Variants in CNTNAP2 observed in about 807,000 individuals in gnomAD.
CNTNAP2 encodes contactin associated protein 2.
In CNTNAP2, 98 loss-of-function variants were observed where a neutral mutation model predicts 155.2. That is an observed-to-expected ratio of 0.63 (90% CI 0.54 to 0.75). CNTNAP2 has a LOEUF of 0.75. CNTNAP2 is among the 30% of genes least tolerant of loss of function. The pLI, the probability that CNTNAP2 is intolerant of heterozygous loss-of-function variation, is 0.00. For synonymous variants in CNTNAP2, 651 were observed against 631.2 expected (o/e 1.03, Z -0.47); for missense variants, 1,727 against 1,688.1 (o/e 1.02, Z -0.40).
chr7:147,572,016 G>A (rs963031720), intron 12 of CNTNAP2, among the ~76,000 whole-genome samples: 2 of 152,112 alleles, frequency 1.3e-5, no homozygotes, highest in African/African-American at 4.8e-5. Flanking sequence ...CCTGCTTCAC[G>A]CATTCAGCTA....
intron 14 of CNTNAP2, among the ~76,000 whole-genome samples, chr7:147,973,656 C>A (rs927167192): frequency 1.3e-4 from 20 of 152,244 alleles, no homozygotes; most frequent in Non-Finnish European, 2.5e-4. Flanking sequence ...TAGCTAAAGA[C>A]ATCTTTAAAA....
intron 1 of CNTNAP2, among the ~76,000 whole-genome samples, chr7:146,153,847 G>A (rs1297081655): frequency 6.6e-6 from 1 of 151,176 alleles, no homozygotes; most frequent in Non-Finnish European, 1.5e-5. Flanking sequence ...ATGTTTTTAG[G>A]TATTCATAAA....
intron 14 of CNTNAP2, among the ~76,000 whole-genome samples, chr7:147,958,769 A>G (rs907729519): frequency 6.6e-6 from 1 of 152,196 alleles, no homozygotes; most frequent in South Asian, 2.1e-4. Context: ...TTCTAATAAG[A>G]CAGACACTGA....
intron 9 of CNTNAP2, among the ~76,000 whole-genome samples, chr7:147,346,159 T>A (rs1174864227): frequency 3.9e-5 from 5 of 126,714 alleles, no homozygotes; most frequent in African/African-American, 1.5e-4. Context: ...TTTTATTTTT[T>A]TTTTTTGAGA....
intron 13 of CNTNAP2, among the ~76,000 whole-genome samples, chr7:147,758,330 C>G (rs183882565): frequency 1.2e-3 from 178 of 152,294 alleles, no homozygotes; most frequent in Non-Finnish European, 2.1e-3. Context: ...ATGTCACACT[C>G]TCTTTTCTTT....
chr7:147,437,807 G>T (rs956862134), intron 10 of CNTNAP2, among the ~76,000 whole-genome samples: 47 of 152,046 alleles, frequency 3.1e-4, no homozygotes, highest in African/African-American at 1.0e-3. Flanking sequence ...TAACAATATT[G>T]ATTCTTCCAA....
At chr7:147,734,804 A>G (rs768568740) in intron 13 of CNTNAP2, among the ~76,000 whole-genome samples, 4 of 152,188 alleles carry the variant, frequency 2.6e-5, no homozygotes, top group Non-Finnish European at 5.9e-5. Context: ...TTGTTTGCAT[A>G]GAGGTGTTTA....
intron 13 of CNTNAP2, among the ~76,000 whole-genome samples, chr7:147,727,667 C>T (rs191232787): frequency 2.6e-5 from 4 of 151,226 alleles, no homozygotes; most frequent in African/African-American, 7.3e-5. Flanking sequence ...CAGCTCGTAG[C>T]ATTTTAGTAA....
Position 146,805,534 on chromosome 7 carries a change from T to C in CNTNAP2, c.208+31153T>C, listed in dbSNP as rs139568415. ...ATTCTCAAGAAGAAGTAATTGTTTA[T>C]TATAGAGAAGTAAAGTAGCAGAATG... On this transcript the variant is annotated intron_variant, in intron 2 of 23. Coordinates refer to ENST00000361727, the MANE Select transcript of CNTNAP2 (RefSeq NM_014141.6). Among the ~76,000 whole-genome samples the C allele has an allele frequency of 5.6e-3, 857 of 152,236 alleles. 6 individuals are homozygous for C. Among genetic ancestry groups the C allele is most frequent in the African/African-American group, 0.017 (691 of 41,544 alleles).
At chr7:146,451,799 A>C (rs941504490) in intron 1 of CNTNAP2, among the ~76,000 whole-genome samples, 2 of 117,832 alleles carry the variant, frequency 1.7e-5, no homozygotes, top group African/African-American at 5.3e-5. Flanking sequence ...AGAAGAAATA[A>C]GGTCTCTTCT....
chr7:147,330,560 G>T (rs577503637), intron 9 of CNTNAP2, among the ~76,000 whole-genome samples: 22 of 152,274 alleles, frequency 1.4e-4, no homozygotes, highest in African/African-American at 5.3e-4. Flanking sequence ...CACCTGAAGG[G>T]TTTTCACTAA....
chr7:147,720,809 C>G (rs1796556111), intron 13 of CNTNAP2, among the ~76,000 whole-genome samples: 1 of 152,000 alleles, frequency 6.6e-6, no homozygotes, highest in South Asian at 2.1e-4. Flanking sequence ...AACCTCTTTC[C>G]TTTATAAATT....
intron 1 of CNTNAP2, among the ~76,000 whole-genome samples, chr7:146,504,156 A>T (rs1183974147): frequency 6.6e-6 from 1 of 152,154 alleles, no homozygotes; most frequent in Non-Finnish European, 1.5e-5. Flanking sequence ...CTTACGCTCC[A>T]CCCTCTAGGC....
intron 1 of CNTNAP2, among the ~76,000 whole-genome samples, chr7:146,368,719 A>G (rs553406363): frequency 6.4e-4 from 98 of 152,138 alleles, no homozygotes; most frequent in Middle Eastern, 3.4e-3. Context: ...GTCATTTCCT[A>G]TCCCCAGTTT....
intron 14 of CNTNAP2, among the ~76,000 whole-genome samples, chr7:147,952,661 G>A (rs1800956043): frequency 6.6e-6 from 1 of 152,070 alleles, no homozygotes; most frequent in African/African-American, 2.4e-5. Flanking sequence ...CTCACAGTAA[G>A]AAAGTCATCT....
At chr7:147,781,085 CTT>C (rs1323829754) in intron 13 of CNTNAP2, among the ~76,000 whole-genome samples, 16 of 152,238 alleles carry the variant, frequency 1.1e-4, no homozygotes, top group African/African-American at 3.9e-4. Context: ...CTATTGGTAA[CTT>C]ATTAGTTGCC....
chr7:148,254,442 CATA>C (rs1435186818), intron 20 of CNTNAP2, among the ~76,000 whole-genome samples: 2 of 152,148 alleles, frequency 1.3e-5, no homozygotes, highest in African/African-American at 4.8e-5. Context: ...CATCGTTTCT[CATA>C]ATAATTCTCA....
chr7:146,826,405 T>C (rs1475444956), intron 2 of CNTNAP2, among the ~76,000 whole-genome samples: 1 of 152,128 alleles, frequency 6.6e-6, no homozygotes, highest in Non-Finnish European at 1.5e-5. Context: ...ATTCTTAACA[T>C]TTCTACTTTG....
chr7:147,860,597 A>T (rs949007150), intron 13 of CNTNAP2, among the ~76,000 whole-genome samples: 2 of 151,076 alleles, frequency 1.3e-5, no homozygotes, highest in African/African-American at 4.9e-5. Flanking sequence ...CTCAAAAAAA[A>T]AAAAAAGTGT....
Sources: gnomAD v4.1 joint callset for allele counts (sites outside exome capture counted in the v4.1 genomes callset) on GRCh38, gnomAD v4.1.1 for gene constraint, MANE v1.5 for transcripts, NCBI Gene and HGNC (gene_info 2026-07-23, HGNC 2026-07-21) for gene names.